The following ARL15 variants were observed in gnomAD, a reference collection of about 807,000 sequenced individuals.
The protein encoded by ARL15 is ADP-ribosylation factor-like protein 15.
In ARL15, 19 loss-of-function variants were observed where a neutral mutation model predicts 25.2. The ratio of observed to expected loss-of-function variants is 0.75; its 90% CI spans 0.53 to 1.10. The LOEUF (loss-of-function observed/expected upper bound fraction) is 1.10. Among genes scored for constraint, ARL15 ranks in the 50% least tolerant of loss-of-function variants. ARL15 has a pLI of 0.00. For synonymous variants in ARL15, 94 were observed against 86.8 expected, an observed-to-expected ratio of 1.08 and a Z score of -0.46; for missense variants, 220 against 246.0, an observed-to-expected ratio of 0.89 and a Z score of 0.71.
chr5:54,048,015 G>A (rs1197370548), intron 4 of ARL15: 1 of 152,122 alleles, frequency 6.6e-6, no homozygotes, highest in Non-Finnish European at 1.5e-5. Flanking sequence ...TTTGAAAGGG[G>A]GTAAAGTTAT....
chr5:54,123,875 T>C (rs951497658), intron 3 of ARL15, among the ~76,000 whole-genome samples: 4 of 152,194 alleles, frequency 2.6e-5, no homozygotes, highest in African/African-American at 9.7e-5. Flanking sequence ...CATACAGCAC[T>C]TGGAAAGAGA....
chr5:54,054,756 C>T (rs1436438938), intron 4 of ARL15, among the ~76,000 whole-genome samples: 1 of 152,080 alleles, frequency 6.6e-6, no homozygotes. Context: ...CGCCACTGCA[C>T]TCCAGCCTGG....
rs190092834 is a variant in ARL15 at position 54,130,060 on chromosome 5, G to A, written c.254-16650C>T. Among the ~76,000 whole-genome samples, 326 of 152,174 alleles carry A rather than the reference G, an allele frequency of 2.1e-3. 1 individual carries two copies. The highest frequency in any genetic ancestry group is 4.3e-3 in the Admixed American group (65 of 15,290). ...CCAAGACCAGCCTGGGCAACAGAGG[G>A]AGACCTCGTCTCTACAAAAAGTAAA... is the stretch of plus-strand genomic sequence containing the variant. On this transcript the variant is annotated intron_variant, in intron 3 of 4. Coordinates refer to ENST00000504924, the MANE Select transcript of ARL15 (RefSeq NM_019087.3).
chr5:54,287,024 C>T (rs1758198103), intron 1 of ARL15, among the ~76,000 whole-genome samples: 1 of 151,956 alleles, frequency 6.6e-6, no homozygotes, highest in South Asian at 2.1e-4. Context: ...ACTACAGGCG[C>T]ACGCCACCAT....
At chr5:53,915,387 A>G (rs895512379) in intron 4 of ARL15, among the ~76,000 whole-genome samples, 1 of 152,222 alleles carries the variant, frequency 6.6e-6, no homozygotes, top group African/African-American at 2.4e-5. Flanking sequence ...AAAGATAATA[A>G]TTATAACAAG....
chr5:54,193,859 G>A (rs1021053550), intron 1 of ARL15, among the ~76,000 whole-genome samples: 2 of 151,590 alleles, frequency 1.3e-5, no homozygotes, highest in African/African-American at 4.9e-5. Context: ...CTCAGATCTA[G>A]GTTTATAAAA....
At chr5:53,920,550 A>G (rs1359368357) in intron 4 of ARL15, among the ~76,000 whole-genome samples, 1 of 151,918 alleles carries the variant, frequency 6.6e-6, no homozygotes, top group African/African-American at 2.4e-5. Context: ...TCATGACTGC[A>G]ATCCCAGCAC....
chr5:54,278,895 C>A (rs1757985142), intron 1 of ARL15, among the ~76,000 whole-genome samples: 1 of 152,224 alleles, frequency 6.6e-6, no homozygotes. Context: ...TGGAGGCATA[C>A]ATTTACCTGT....
intron 1 of ARL15, among the ~76,000 whole-genome samples, chr5:54,260,690 G>C (rs1274900234): frequency 6.6e-6 from 1 of 152,168 alleles, no homozygotes; most frequent in Non-Finnish European, 1.5e-5. Context: ...AGGGCAGAGT[G>C]CTCTAAACAG....
Position 54,123,318 on chromosome 5 carries a change from C to T in ARL15, c.254-9908G>A, listed in dbSNP as rs539215919. ...TAGAGACAGGGTTTCACCATGTTGG[C>T]CAGGATGGTTTCGATCTCCTGACCT... On this transcript the variant is annotated intron_variant, in intron 3 of 4. Transcript: ENST00000504924. Among the ~76,000 whole-genome samples, 21 of 152,162 alleles carry T rather than the reference C, an allele frequency of 1.4e-4. No individual in the cohort carries two copies. In the South Asian group the frequency reaches 4.2e-3, roughly 30 times the overall value.
At chr5:54,161,579 T>C (rs1754402152) in intron 2 of ARL15, among the ~76,000 whole-genome samples, 1 of 152,198 alleles carries the variant, frequency 6.6e-6, no homozygotes, top group Non-Finnish European at 1.5e-5. Flanking sequence ...TCCATTAATT[T>C]GTTTGCCATT....
intron 4 of ARL15, among the ~76,000 whole-genome samples, chr5:54,027,547 A>T (rs1749818284): frequency 1.3e-5 from 2 of 152,224 alleles, no homozygotes; most frequent in Non-Finnish European, 2.9e-5. Context: ...ATAGTAGAAA[A>T]GGGATAAACT....
chr5:53,886,687 T>C lies in ARL15; in HGVS notation c.489A>G (p.Pro163=). 1 of 1,565,222 alleles carries C rather than the reference T, an allele frequency of 6.4e-7. No individual in the cohort carries two copies. Among genetic ancestry groups the C allele is most frequent in the Non-Finnish European group, 8.7e-7 (1 of 1,155,354 alleles). The change falls in exon 5 of 5, where the codon CCA becomes CCG. Residue 163 remains proline, a synonymous_variant. Coordinates refer to ENST00000504924, the MANE Select transcript of ARL15 (RefSeq NM_019087.3). ...QEIKKYFELE[P]LARGKRWILQ... Reference sequence around the variant, plus strand: ...GAATCCAGCGTTTTCCACGTGCAAGTGGTTCAAGTTCAAAATATTTTTTGA... The same window carrying C: ...GAATCCAGCGTTTTCCACGTGCAAGCGGTTCAAGTTCAAAATATTTTTTGA...
intron 1 of ARL15, among the ~76,000 whole-genome samples, chr5:54,205,310 A>G (rs1454887986): frequency 6.6e-6 from 1 of 152,198 alleles, no homozygotes; most frequent in Admixed American, 6.5e-5. Context: ...CGCTTGCCCA[A>G]GATGACACTG....
chr5:54,050,168 C>A (rs1414729462), intron 4 of ARL15, among the ~76,000 whole-genome samples: 1 of 152,184 alleles, frequency 6.6e-6, no homozygotes, highest in Non-Finnish European at 1.5e-5. Context: ...AGTGTAATTT[C>A]TTCTGCCTTA....
chr5:54,199,810 C>CTA (rs2112479250), intron 1 of ARL15, among the ~76,000 whole-genome samples: 1 of 82,804 alleles, frequency 1.2e-5, no homozygotes, highest in South Asian at 3.1e-4. Context: ...ACCCAAAGGA[C>CTA]TATAAATCAT....
At chr5:54,277,919 C>G (rs986005408) in intron 1 of ARL15, among the ~76,000 whole-genome samples, 3 of 152,146 alleles carry the variant, frequency 2.0e-5, no homozygotes, top group African/African-American at 7.2e-5. Flanking sequence ...CTGTTGGGTA[C>G]AGAAAACCAA....
rs899924248 is a variant in ARL15 at position 54,081,965 on chromosome 5, C to G, written c.462+31237G>C. 1.1e-4 allele frequency among the ~76,000 whole-genome samples: 11 copies of G among 101,430 alleles called. No homozygotes were observed. The East Asian group carries it at 2.3e-3, about 22-fold the overall frequency. 66.5% of individuals were successfully genotyped at this position (101,430 alleles called of 152,430 possible). ...AATTAGCCGGGAGTGATGGCGGGCA[C>G]CTGTAATCCCAGCTACTCGGGAGGC... On this transcript the variant is annotated intron_variant, in intron 4 of 4. Coordinates refer to ENST00000504924, the MANE Select transcript of ARL15 (RefSeq NM_019087.3).
intron 4 of ARL15, among the ~76,000 whole-genome samples, chr5:53,936,265 GT>G (rs1746346118): frequency 1.3e-5 from 2 of 152,096 alleles, no homozygotes. Flanking sequence ...CGTACTTTAT[GT>G]TTTTTGTGCA....
Sources: gnomAD v4.1 joint callset for allele counts (sites outside exome capture counted in the v4.1 genomes callset) on GRCh38, gnomAD v4.1.1 for gene constraint, MANE v1.5 for transcripts, NCBI Gene and HGNC (gene_info 2026-07-23, HGNC 2026-07-21) for gene names.